The following MGAT4C variants were observed in gnomAD, a reference collection of about 807,000 sequenced individuals.
MGAT4C encodes alpha-1,3-mannosyl-glycoprotein 4-beta-N-acetylglucosaminyltransferase C.
MGAT4C carries 19 observed loss-of-function variants against 40.1 expected under a neutral mutation model. The ratio of observed to expected loss-of-function variants is 0.47; its 90% confidence interval spans 0.33 to 0.70. The LOEUF (loss-of-function observed/expected upper bound fraction) is 0.70, where lower values mean the gene tolerates loss of function less well. Ranked by LOEUF, MGAT4C falls within the 30% of genes least tolerant of loss-of-function variation. MGAT4C has a pLI of 0.02. For missense variants in MGAT4C, 491 were observed against 563.2 expected (o/e 0.87, Z 1.30); for synonymous variants, 181 against 187.1 (o/e 0.97, Z 0.27).
At chr12:86,083,772 T>C (rs1000597985) in intron 1 of MGAT4C, among the ~76,000 whole-genome samples, 1 of 152,120 alleles carries the variant, frequency 6.6e-6, no homozygotes, top group Non-Finnish European at 1.5e-5. Context: ...TTAGCTTTCA[T>C]TCATGTTCAG....
chr12:86,645,924 T>C (rs1963529351), intron 2 of MGAT4C, among the ~76,000 whole-genome samples: 1 of 151,840 alleles, frequency 6.6e-6, no homozygotes, highest in Non-Finnish European at 1.5e-5. Context: ...CCCTGTAAAA[T>C]AAAAGAATAC....
intron 3 of MGAT4C, among the ~76,000 whole-genome samples, chr12:86,343,875 GT>G (rs1018105194): frequency 2.0e-5 from 3 of 151,496 alleles, no homozygotes; most frequent in Admixed American, 6.6e-5. Context: ...TTTTGAATGT[GT>G]TTTTTTTATA....
intron 2 of MGAT4C, among the ~76,000 whole-genome samples, chr12:86,006,494 A>G (rs750575928): frequency 6.6e-6 from 1 of 152,206 alleles, no homozygotes; most frequent in Non-Finnish European, 1.5e-5. Context: ...TGTTTTGTTC[A>G]ATGGAAAAAA....
At chr12:86,731,889 CT>C (rs1450182859) in intron 1 of MGAT4C, among the ~76,000 whole-genome samples, 2 of 152,100 alleles carry the variant, frequency 1.3e-5, no homozygotes, top group Admixed American at 6.6e-5. Flanking sequence ...AGAAGCATTA[CT>C]TTTTTCCCCC....
At chr12:86,382,018 A>C (rs145882707) in intron 3 of MGAT4C, among the ~76,000 whole-genome samples, 2 of 152,238 alleles carry the variant, frequency 1.3e-5, no homozygotes, top group African/African-American at 4.8e-5. Flanking sequence ...AAATTGCCCA[A>C]TCTTGGGTAT....
In MGAT4C at chr12:86,174,642, A is replaced by C. The variant is rs1408997382; in HGVS notation, c.-57+81597T>G. Among the ~76,000 whole-genome samples, 9 of 152,270 alleles carry C rather than the reference A, an allele frequency of 5.9e-5. No individual in the cohort carries two copies. In the East Asian group the frequency reaches 1.7e-3, roughly 29 times the overall value. On this transcript the variant is annotated intron_variant, in intron 1 of 4. Transcript: ENST00000611864. ...TAGTATGTAGCTCCACTCATTGTCAAAACATCAGTAATTCCAATATCAAAA... is the reference window on the plus strand; with the variant it reads ...TAGTATGTAGCTCCACTCATTGTCACAACATCAGTAATTCCAATATCAAAA...
chr12:86,747,250 T>G (rs190278245), intron 1 of MGAT4C, among the ~76,000 whole-genome samples: 4 of 151,684 alleles, frequency 2.6e-5, no homozygotes, highest in African/African-American at 9.7e-5. Flanking sequence ...ACTATAATTT[T>G]CTAAATGTTA....
intron 2 of MGAT4C, among the ~76,000 whole-genome samples, chr12:86,441,330 T>TA (rs1957223009): frequency 7.2e-6 from 1 of 138,004 alleles, no homozygotes; most frequent in African/African-American, 2.5e-5. Context: ...AACTGATTTT[T>TA]TTTATTATTA....
At chr12:86,070,465 T>G (rs1315276939) in intron 1 of MGAT4C, among the ~76,000 whole-genome samples, 1 of 152,112 alleles carries the variant, frequency 6.6e-6, no homozygotes, top group African/African-American at 2.4e-5. Context: ...AGTACACTAC[T>G]AATCCACTTT....
intron 2 of MGAT4C, among the ~76,000 whole-genome samples, chr12:86,526,216 G>A (rs1958879573): frequency 6.6e-6 from 1 of 152,070 alleles, no homozygotes; most frequent in African/African-American, 2.4e-5. Flanking sequence ...TGGTACAAGG[G>A]CAGGGTGCTG....
chr12:86,063,156 A>G (rs888318040), intron 1 of MGAT4C, among the ~76,000 whole-genome samples: 1 of 152,218 alleles, frequency 6.6e-6, no homozygotes, highest in East Asian at 1.9e-4. Flanking sequence ...AGGGAAGCCC[A>G]TCAGACTAAC....
At position 86,753,503 on chromosome 12, in the gene MGAT4C, T is replaced by G. The variant is rs537666027; in HGVS notation, c.-261-26262A>C. Among the ~76,000 whole-genome samples, 360 of 152,222 alleles carry G rather than the reference T, an allele frequency of 2.4e-3. 1 individual carries two copies. The highest frequency in any genetic ancestry group is 3.8e-3 in the Non-Finnish European group (256 of 68,008). ...GGCTGTAAGACCCCTGATTTCCCAC[T>G]TCACACCTCTGTATTTCTGTGTGTG... On this transcript the variant is annotated intron_variant, in intron 1 of 7. Transcript: ENST00000548651.
At chr12:86,637,083 T>A (rs1183619025) in intron 2 of MGAT4C, among the ~76,000 whole-genome samples, 1 of 151,752 alleles carries the variant, frequency 6.6e-6, no homozygotes, top group Non-Finnish European at 1.5e-5. Context: ...TTTTCTGGAG[T>A]CATAGCCACT....
At chr12:86,585,692 T>C (rs545474691) in intron 2 of MGAT4C, among the ~76,000 whole-genome samples, 1 of 151,160 alleles carries the variant, frequency 6.6e-6, no homozygotes, top group South Asian at 2.1e-4. Context: ...ATGAAGACTA[T>C]CTCCATACTT....
At chr12:86,814,557 T>C (rs1287851375) in intron 1 of MGAT4C, among the ~76,000 whole-genome samples, 1 of 151,840 alleles carries the variant, frequency 6.6e-6, no homozygotes, top group Non-Finnish European at 1.5e-5. Flanking sequence ...TAATTCCAAT[T>C]CTCTTATAAT....
intron 1 of MGAT4C, among the ~76,000 whole-genome samples, chr12:86,731,925 T>C (rs1215175535): frequency 6.6e-6 from 1 of 152,130 alleles, no homozygotes; most frequent in African/African-American, 2.4e-5. Flanking sequence ...GAAGTCAAGA[T>C]AGGTATAGCT....
At chr12:86,299,927 G>T (rs1283675002) in intron 4 of MGAT4C, among the ~76,000 whole-genome samples, 2 of 152,146 alleles carry the variant, frequency 1.3e-5, no homozygotes, top group African/African-American at 4.8e-5. Flanking sequence ...CAAAGAATCT[G>T]CAACAAAAAT....
At chr12:86,529,671 G>T (rs1007442055) in intron 2 of MGAT4C, among the ~76,000 whole-genome samples, 1 of 151,888 alleles carries the variant, frequency 6.6e-6, no homozygotes, top group Non-Finnish European at 1.5e-5. Flanking sequence ...TTTGGTTTTT[G>T]ATTTCCTTTT....
In MGAT4C at chr12:86,396,364, T is replaced by C. The variant is rs150204649; in HGVS notation, c.-120+38793A>G. The stretch of plus-strand genomic sequence containing the variant: ...TATATATTTGTTTATAATAAATACA[T>C]GCTTAGAATCAAGGAATTTTTTTGC... On this transcript the variant is annotated intron_variant, in intron 3 of 7. Coordinates refer to the MGAT4C transcript ENST00000548651. Among the ~76,000 whole-genome samples, 1,156 of 152,244 alleles carry C rather than the reference T, an allele frequency of 7.6e-3. 15 individuals are homozygous for C. The highest frequency in any genetic ancestry group is 0.025 in the African/African-American group (1,056 of 41,558).
Sources: allele counts gnomAD v4.1 joint callset (sites outside exome capture counted in the v4.1 genomes callset), GRCh38; gene constraint gnomAD v4.1.1; transcripts MANE v1.5; gene names NCBI Gene and HGNC (gene_info 2026-07-23, HGNC 2026-07-21).